The following LARS2 variants were observed in gnomAD, a reference collection of about 807,000 sequenced individuals.
LARS2 encodes the protein leucine--tRNA ligase, mitochondrial.
Under a neutral mutation model 116.6 loss-of-function variants are expected in LARS2, and 81 were observed. The observed-to-expected ratio is 0.69, with a 90% confidence interval of 0.58 to 0.84. The LOEUF (loss-of-function observed/expected upper bound fraction) is 0.84, where lower values mean the gene tolerates loss of function less well. LARS2 is among the 40% of genes least tolerant of loss of function. The probability of loss-of-function intolerance (pLI) is 0.00; values close to 1 mark genes in which losing one functional copy is unlikely to be tolerated. For synonymous variants in LARS2, 396 were observed against 407.2 expected, an observed-to-expected ratio of 0.97 and a Z score of 0.33; for missense variants, 968 against 1,114.5, an observed-to-expected ratio of 0.87 and a Z score of 1.87.
chr3:45,543,927 A>G (rs1249817904), intron 21 of LARS2, among the ~76,000 whole-genome samples: 3 of 152,228 alleles, frequency 2.0e-5, no homozygotes, highest in Non-Finnish European at 4.4e-5. Flanking sequence ...GCAGAAAAGA[A>G]ATTGAGTTTT....
At chr3:45,484,630 A>AAAAAATATATATATATATATATAT (rs1553634443) in intron 10 of LARS2, among the ~76,000 whole-genome samples, 2 of 9,736 alleles carry the variant, frequency 2.1e-4, no homozygotes, top group Non-Finnish European at 3.2e-4. Context: ...AAAAAAAAAA[A>AAAAAATATATATATATATATATAT]ATATATATAT....
chr3:45,458,744 C>T lies in LARS2; in HGVS notation c.608C>T (p.Ala203Val). The part of the protein sequence containing the change: ...YEAGLAYQKE[A>V]LVNWDPVDQT... Reference sequence around the variant, plus strand: ...CATTTTGTTTCATGAATTATACAGGCCCTGGTTAACTGGGACCCAGTGGAT... The same window carrying T: ...CATTTTGTTTCATGAATTATACAGGTCCTGGTTAACTGGGACCCAGTGGAT... The change falls in exon 8 of 22, where the codon GCC (alanine) becomes GTC (valine). Residue 203 changes from alanine to valine, a missense_variant and splice_region_variant. Ala to Val is a moderately conservative substitution (Grantham distance 64, BLOSUM62 0). Coordinates refer to ENST00000645846, the MANE Select transcript of LARS2 (RefSeq NM_015340.4). 6.2e-7 allele frequency: 1 copy of T among 1,613,894 alleles called. No homozygotes were observed. The highest frequency in any genetic ancestry group is 8.5e-7 in the Non-Finnish European group (1 of 1,179,950).
intron 20 of LARS2, among the ~76,000 whole-genome samples, chr3:45,532,200 C>T (rs1399856549): frequency 1.3e-5 from 2 of 152,186 alleles, no homozygotes; most frequent in African/African-American, 2.4e-5. Flanking sequence ...AAACGCTTCC[C>T]TGGTTAGATG....
intron 20 of LARS2, among the ~76,000 whole-genome samples, chr3:45,527,704 TC>T (rs1700552395): frequency 6.6e-6 from 1 of 152,174 alleles, no homozygotes; most frequent in East Asian, 1.9e-4. Context: ...GAAATAGCAG[TC>T]CCTCATATCT....
Position 45,460,349 on chromosome 3 carries a change from T to A in LARS2, c.750+1463T>A, listed in dbSNP as rs527957862. ...AGCCCCTGTCTGCTGACAGTTGGGG[T>A]CCACTACATTACTGGGAAGGATGCT... On this transcript the variant is annotated intron_variant, in intron 8 of 21. Coordinates refer to ENST00000645846, the MANE Select transcript of LARS2 (RefSeq NM_015340.4). Among the ~76,000 whole-genome samples the A allele has an allele frequency of 2.0e-5, 3 of 152,268 alleles. No individual in the cohort carries two copies. The South Asian group carries it at 6.2e-4, about 32-fold the overall frequency.
In LARS2 at chr3:45,510,265, T is replaced by A. The variant is rs962494161; in HGVS notation, c.1761-2870T>A. Among the ~76,000 whole-genome samples, 5 of 151,966 alleles carry A rather than the reference T, an allele frequency of 3.3e-5. No individual in the cohort carries two copies. The South Asian group carries it at 1.0e-3, about 32-fold the overall frequency. The stretch of plus-strand genomic sequence containing the variant: ...TCATCTCTACCAAAAATACAAAAAA[T>A]TAGCTGGGTGTGGTAGTGCGCGCCT... On this transcript the variant is annotated intron_variant, in intron 15 of 21. Coordinates refer to ENST00000645846, the MANE Select transcript of LARS2 (RefSeq NM_015340.4).
intron 20 of LARS2, among the ~76,000 whole-genome samples, chr3:45,530,838 T>C (rs1237345957): frequency 1.3e-5 from 2 of 152,214 alleles, no homozygotes; most frequent in South Asian, 2.1e-4. Context: ...TCTTTTCTTA[T>C]AATTATTTTA....
chr3:45,497,276 A>G (rs1218137132), intron 14 of LARS2, among the ~76,000 whole-genome samples: 1 of 152,054 alleles, frequency 6.6e-6, no homozygotes, highest in Non-Finnish European at 1.5e-5. Flanking sequence ...AGCTGTATTC[A>G]TGTGTTTATT....
chr3:45,397,482 T>A (rs1698067531), intron 3 of LARS2, among the ~76,000 whole-genome samples: 1 of 152,234 alleles, frequency 6.6e-6, no homozygotes, highest in African/African-American at 2.4e-5. Context: ...ATTATTCATT[T>A]GATTTTGCTA....
At chr3:45,441,679 A>G (rs1207495468) in intron 6 of LARS2, among the ~76,000 whole-genome samples, 1 of 152,224 alleles carries the variant, frequency 6.6e-6, no homozygotes, top group Non-Finnish European at 1.5e-5. Context: ...ACAGTAAGGT[A>G]GGCCTCCGTG....
intron 6 of LARS2, among the ~76,000 whole-genome samples, chr3:45,427,578 CT>C (rs545657662): frequency 6.6e-6 from 1 of 152,180 alleles, no homozygotes; most frequent in Non-Finnish European, 1.5e-5. Context: ...ACAAGACTTA[CT>C]TTTAATAACT....
At chr3:45,529,660 C>T (rs1700585547) in intron 20 of LARS2, among the ~76,000 whole-genome samples, 1 of 152,086 alleles carries the variant, frequency 6.6e-6, no homozygotes, top group South Asian at 2.1e-4. Flanking sequence ...AAGATTAAGG[C>T]TTTTGATGCA....
chr3:45,471,679 A>G (rs565687452), intron 8 of LARS2, among the ~76,000 whole-genome samples: 2 of 152,346 alleles, frequency 1.3e-5, no homozygotes, highest in Admixed American at 6.5e-5. Context: ...GAAAGACATC[A>G]GATCCCATTA....
chr3:45,417,370 A>G, intron 4 of LARS2, 112 bp from the exon 5 acceptor site: 1 of 799,366 alleles, frequency 1.3e-6, no homozygotes. Flanking sequence ...GAAAACATCC[A>G]GCAAAAGATA....
In LARS2 at chr3:45,419,657, A is replaced by G; in HGVS notation, c.456-12A>G. 1 of 1,610,992 alleles carries G rather than the reference A, an allele frequency of 6.2e-7. No individual in the cohort carries two copies. The highest frequency in any genetic ancestry group is 8.5e-7 in the Non-Finnish European group (1 of 1,177,352). ...TCTCTAAAAACCAAACCTTTTTCCC[A>G]TTGTTTCACAGTAATATTAAACACA... is the stretch of plus-strand genomic sequence containing the variant. On this transcript the variant is annotated splice_polypyrimidine_tract_variant and intron_variant, in intron 5 of 21. Transcript: ENST00000645846.
chr3:45,447,446 G>T (rs1481759447), intron 7 of LARS2, among the ~76,000 whole-genome samples: 2 of 152,214 alleles, frequency 1.3e-5, no homozygotes, highest in African/African-American at 4.8e-5. Context: ...TAAGAAGTGA[G>T]TGGGTCACGA....
At chr3:45,411,839 C>G (rs1438103383) in intron 4 of LARS2, among the ~76,000 whole-genome samples, 1 of 152,150 alleles carries the variant, frequency 6.6e-6, no homozygotes, top group Non-Finnish European at 1.5e-5. Flanking sequence ...TCCTCTCCCT[C>G]CTCCCACCCA....
At chr3:45,403,721 C>T (rs1698191812) in intron 4 of LARS2, among the ~76,000 whole-genome samples, 1 of 152,072 alleles carries the variant, frequency 6.6e-6, no homozygotes, top group African/African-American at 2.4e-5. Flanking sequence ...GAGCTCCAGG[C>T]CCAAAGGAAC....
chr3:45,412,324 C>T (rs1457288774), intron 4 of LARS2, among the ~76,000 whole-genome samples: 1 of 152,054 alleles, frequency 6.6e-6, no homozygotes, highest in Non-Finnish European at 1.5e-5. Context: ...TGTAAACATT[C>T]CCTTTTCTCT....
Sources: allele counts gnomAD v4.1 joint callset (sites outside exome capture counted in the v4.1 genomes callset), GRCh38; gene constraint gnomAD v4.1.1; transcripts MANE v1.5; gene names NCBI Gene and HGNC (gene_info 2026-07-23, HGNC 2026-07-21).